The following ANK3 variants were observed in gnomAD, a reference collection of about 807,000 sequenced individuals.
ANK3 encodes the protein ankyrin-3.
Under a neutral mutation model 370.9 loss-of-function variants are expected in ANK3, and 57 were observed. That is an observed-to-expected ratio of 0.15 (90% confidence interval 0.12 to 0.19). ANK3 has a LOEUF of 0.19. Among genes scored for constraint, ANK3 ranks in the 10% least tolerant of loss-of-function variants. The pLI is 1.00. For synonymous variants in ANK3, 1,929 were observed against 1,946.3 expected (o/e 0.99, Z 0.23); for missense variants, 4,439 against 5,302.1 (o/e 0.84, Z 5.06).
At chr10:60,260,114 A>G (rs1053242994) in intron 7 of ANK3, among the ~76,000 whole-genome samples, 1 of 152,190 alleles carries the variant, frequency 6.6e-6, no homozygotes, top group Non-Finnish European at 1.5e-5. Context: ...AGAACTAACA[A>G]ATTATAAGAG....
intron 43 of ANK3, among the ~76,000 whole-genome samples, chr10:60,035,669 CTT>C (rs150964154): frequency 0.065 from 9,835 of 151,444 alleles, 448 homozygotes; most frequent in Non-Finnish European, 0.099. Flanking sequence ...GAAGCCAAGG[CTT>C]TTGTTAACAG....
intron 2 of ANK3, among the ~76,000 whole-genome samples, chr10:60,456,250 A>G (rs926007055): frequency 6.6e-6 from 1 of 152,330 alleles, no homozygotes; most frequent in East Asian, 1.9e-4. Context: ...TCAAGCTGCC[A>G]GCGCCCCCTT....
At chr10:60,138,684 T>C in intron 24 of ANK3, 1 of 484,466 alleles carries the variant, frequency 2.1e-6, no homozygotes, top group East Asian at 3.3e-5. Flanking sequence ...CTCCCAGTTT[T>C]GTCAGTGAGC....
At chr10:60,598,794 A>C (rs933780975) in intron 2 of ANK3, among the ~76,000 whole-genome samples, 6 of 152,260 alleles carry the variant, frequency 3.9e-5, no homozygotes, top group African/African-American at 1.2e-4. Flanking sequence ...TGAACATTAC[A>C]TCAGAAATAT....
At chr10:60,607,628 T>C (rs1380584376) in intron 2 of ANK3, among the ~76,000 whole-genome samples, 1 of 152,222 alleles carries the variant, frequency 6.6e-6, no homozygotes, top group Non-Finnish European at 1.5e-5. Context: ...TTGCTGACTC[T>C]TTCCACAGAA....
intron 41 of ANK3, among the ~76,000 whole-genome samples, chr10:60,057,067 C>T (rs756120163): frequency 6.6e-6 from 1 of 152,118 alleles, no homozygotes; most frequent in Non-Finnish European, 1.5e-5. Flanking sequence ...CCCCAAGTAC[C>T]CCAAATTCCA....
intron 8 of ANK3, among the ~76,000 whole-genome samples, chr10:60,231,573 T>G (rs931075443): frequency 6.6e-6 from 1 of 152,176 alleles, no homozygotes; most frequent in African/African-American, 2.4e-5. Context: ...AATTCTCCTT[T>G]CTATTTTTAG....
intron 28 of ANK3, among the ~76,000 whole-genome samples, chr10:60,093,434 A>C (rs1169755968): frequency 6.6e-6 from 1 of 152,238 alleles, no homozygotes; most frequent in Non-Finnish European, 1.5e-5. Context: ...AATTCTGCTT[A>C]TAACAAGCTG....
chr10:60,447,574 C>T (rs1259776136), intron 2 of ANK3, among the ~76,000 whole-genome samples: 1 of 152,128 alleles, frequency 6.6e-6, no homozygotes, highest in African/African-American at 2.4e-5. Flanking sequence ...AAGCAAACAA[C>T]AAGGGAATTC....
At chr10:60,512,605 T>C (rs369126953) in intron 2 of ANK3, among the ~76,000 whole-genome samples, 13 of 152,280 alleles carry the variant, frequency 8.5e-5, no homozygotes, top group African/African-American at 3.1e-4. Context: ...ATCAATTTCC[T>C]GGCTTCAGAC....
At chr10:60,641,168 A>G (rs1283394225) in intron 1 of ANK3, among the ~76,000 whole-genome samples, 3 of 149,268 alleles carry the variant, frequency 2.0e-5, no homozygotes, top group South Asian at 2.2e-4. Context: ...ATGCTCATGG[A>G]TAGGAAGAAT....
intron 43 of ANK3, among the ~76,000 whole-genome samples, chr10:60,038,841 T>A (rs2075600066): frequency 6.6e-6 from 1 of 152,206 alleles, no homozygotes; most frequent in Non-Finnish European, 1.5e-5. Context: ...TTCAACTATG[T>A]TAGGCCTTTT....
chr10:60,271,099 T>C (rs974577807), intron 4 of ANK3, among the ~76,000 whole-genome samples: 9 of 152,216 alleles, frequency 5.9e-5, no homozygotes, highest in African/African-American at 2.2e-4. Flanking sequence ...GAATAATGTA[T>C]TTCATATCTA....
In ANK3 at chr10:60,335,108, T is replaced by A. The variant is rs375264855; in HGVS notation, c.114+54317A>T. ...TAAGAAAAATGTGCATGCGTGTGTA[T>A]GTCTGGGGGTTAAGGAAATAGAAAA... On this transcript the variant is annotated intron_variant, in intron 1 of 43. Transcript: ENST00000280772. Among the ~76,000 whole-genome samples the A allele has an allele frequency of 3.9e-5, 6 of 152,194 alleles. No individual in the cohort carries two copies. In the East Asian group the frequency reaches 1.2e-3, roughly 29 times the overall value.
intron 4 of ANK3, 50 bp downstream of exon 4, chr10:60,278,724 T>C (rs372031703): frequency 4.9e-6 from 7 of 1,441,206 alleles, no homozygotes; most frequent in East Asian, 2.3e-5. Context: ...CCAAAGAACA[T>C]TGTTTGTAAA....
At chr10:60,600,488 C>G (rs1044677328) in intron 2 of ANK3, among the ~76,000 whole-genome samples, 8 of 152,130 alleles carry the variant, frequency 5.3e-5, no homozygotes, top group Non-Finnish European at 4.4e-5. Flanking sequence ...AGCACTTCAC[C>G]CTGCTTTCTG....
At chr10:60,125,307 G>A (rs1377825773) in intron 25 of ANK3, among the ~76,000 whole-genome samples, 2 of 152,148 alleles carry the variant, frequency 1.3e-5, no homozygotes, top group Admixed American at 6.5e-5. Context: ...AACAAAAGAA[G>A]GTGAATCAAG....
chr10:60,287,127 G>A (rs2040197131), intron 1 of ANK3, among the ~76,000 whole-genome samples: 1 of 152,084 alleles, frequency 6.6e-6, no homozygotes, highest in Non-Finnish European at 1.5e-5. Flanking sequence ...TATCCACCTT[G>A]GGCATGTCCT....
chr10:60,387,087 G>A (rs1453381237), intron 1 of ANK3, among the ~76,000 whole-genome samples: 1 of 151,942 alleles, frequency 6.6e-6, no homozygotes, highest in East Asian at 1.9e-4. Flanking sequence ...TTGAAGCCAG[G>A]AGGTGGAGGT....
Sources: allele counts gnomAD v4.1 joint callset (sites outside exome capture counted in the v4.1 genomes callset), GRCh38; gene constraint gnomAD v4.1.1; transcripts MANE v1.5; gene names NCBI Gene and HGNC (gene_info 2026-07-23, HGNC 2026-07-21).